ABCB9: variants seen among roughly 807,000 people sequenced by gnomAD.
ABCB9 encodes the protein ATP binding cassette subfamily B member 9.
Under a neutral mutation model 62.0 loss-of-function variants are expected in ABCB9, and 36 were observed. The observed-to-expected ratio is 0.58, with a 90% CI of 0.45 to 0.77. The LOEUF (loss-of-function observed/expected upper bound fraction) is 0.77, where lower values mean the gene tolerates loss of function less well. ABCB9 is among the 30% of genes least tolerant of loss of function. The pLI, the probability that ABCB9 is intolerant of heterozygous loss-of-function variation, is 0.00. For synonymous variants in ABCB9, 435 were observed against 461.4 expected (o/e 0.94, Z 0.73); for missense variants, 943 against 1,054.7 (o/e 0.89, Z 1.47).
intron 1 of ABCB9, among the ~76,000 whole-genome samples, chr12:122,963,768 C>A (rs1004810975): frequency 2.0e-5 from 3 of 152,198 alleles, no homozygotes; most frequent in Non-Finnish European, 4.4e-5. Flanking sequence ...CACCCCCACA[C>A]CTCCAGGCAC....
chr12:122,957,496 C>T (rs372806126), intron 2 of ABCB9, among the ~76,000 whole-genome samples: 94 of 152,170 alleles, frequency 6.2e-4, no homozygotes, highest in Middle Eastern at 3.4e-3. Context: ...GCCCAGGCCT[C>T]GTTGCCCCCA....
chr12:122,961,433 T>C (rs1037621407), intron 1 of ABCB9, among the ~76,000 whole-genome samples: 2 of 152,092 alleles, frequency 1.3e-5, no homozygotes, highest in Admixed American at 6.6e-5. Flanking sequence ...CCTCAAGTGA[T>C]CCACATGCCT....
In ABCB9 at chr12:122,962,741, C is replaced by T. The variant is rs183620951; in HGVS notation, c.-87-2419G>A. 1.7e-3 allele frequency among the ~76,000 whole-genome samples: 260 copies of T among 152,312 alleles called. 1 individual carries two copies. The highest frequency in any genetic ancestry group is 6.0e-3 in the African/African-American group (250 of 41,564). On this transcript the variant is annotated intron_variant, in intron 1 of 11. Coordinates refer to ENST00000280560, the MANE Select transcript of ABCB9 (RefSeq NM_019625.4). The stretch of plus-strand genomic sequence containing the variant: ...ACAAGCAGACAGGGATGTAACACTG[C>T]ACTTCCTGTGAGCCCTGCCCTGCAC...
At position 122,960,292 on chromosome 12, in the gene ABCB9, G is replaced by A; in HGVS notation, c.-57C>T. ...GCCAGGTTGTAGCTCACGGGGGCAAGGCCATCATCATCCACAGGGCGAGGC... is the reference window on the plus strand; with the variant it reads ...GCCAGGTTGTAGCTCACGGGGGCAAAGCCATCATCATCCACAGGGCGAGGC... On this transcript the variant is annotated 5_prime_UTR_variant, in exon 2 of 12. Transcript: ENST00000280560. 6.4e-7 allele frequency: 1 copy of A among 1,568,580 alleles called. No individual in the cohort carries two copies. Among genetic ancestry groups the A allele is most frequent in the South Asian group, 1.2e-5 (1 of 83,570 alleles).
At chr12:122,924,635 A>G, downstream of ABCB9, 4 of 1,458,974 alleles carry the variant, frequency 2.7e-6, no homozygotes, top group Non-Finnish European at 3.6e-6. Context: ...AATGTGGGAA[A>G]GAAACAATGA....
chr12:122,947,620 GGCTCGGGGGCACCC>G lies in ABCB9; in HGVS notation c.1053+990_1053+1003del. 3.4e-6 allele frequency: 1 copy of G among 291,824 alleles called. No homozygotes were observed. The highest frequency in any genetic ancestry group is 7.3e-6 in the Non-Finnish European group (1 of 136,194). The allele number at this position is 291,824 out of a possible 1,614,324, so 18.1% of individuals were successfully genotyped here. A position where few individuals can be genotyped will look rare whatever the true frequency, so the allele number is the denominator to read the frequency against. ...TGAACCCAGCCTGTCTGTCCCTTAG[GGCTCGGGGGCACCC>G]GCCCATTCAGGAAGCAGGAGGAGGG... is the stretch of plus-strand genomic sequence containing the variant. On this transcript the variant is annotated intron_variant, in intron 5 of 11. Transcript: ENST00000280560. This position sits in a 1 kb window ranked among gnomAD's most constrained non-coding sequence, Gnocchi z 6.0.
chr12:122,932,210 A>C lies in ABCB9; in HGVS notation c.2022T>G (p.Asp674Glu). Residue 674 changes from aspartate to glutamate, a missense_variant, in exon 11 of 12, where the codon GAT becomes GAG. Coordinates refer to ENST00000280560, the MANE Select transcript of ABCB9 (RefSeq NM_019625.4). This position sits in a 1 kb window ranked among gnomAD's most constrained non-coding sequence, Gnocchi z 4.7. ...GACTCACCAGATACTCGCTCTCGGC[A>C]TCCAAAGCGCTGGTGGCTTCATCCA... ...LILDEATSAL[D>E]AESEYLIQQA... 6.4e-7 allele frequency: 1 copy of C among 1,552,848 alleles called. No homozygotes were observed.
intron 10 of ABCB9, 68 bp downstream of exon 10, chr12:122,935,204 A>G: frequency 6.7e-7 from 1 of 1,483,510 alleles, no homozygotes; most frequent in Non-Finnish European, 9.0e-7. Flanking sequence ...GCAGTGCTTA[A>G]CTCAGAGGGT....
intron 11 of ABCB9, among the ~76,000 whole-genome samples, chr12:122,923,508 C>T (rs1245049652): frequency 6.6e-6 from 1 of 152,058 alleles, no homozygotes; most frequent in Admixed American, 6.6e-5. Context: ...CCAGGATGGT[C>T]TCCATCTCCT....
Position 122,935,370 on chromosome 12 carries a change from T to C in ABCB9, c.1805A>G (p.Tyr602Cys). The C allele has an allele frequency of 8.7e-6, 14 of 1,614,026 alleles. No homozygotes were observed. Among genetic ancestry groups the C allele is most frequent in the Non-Finnish European group, 1.2e-5 (14 of 1,179,992 alleles). ...CTCGAAAGGCACAGTGGGCAGGCCG[T>C]AGGAGATGTTATCCGTGATGGAGCG... ...FARSITDNIS[Y>C]GLPTVPFEMV... The change falls in exon 10 of 12, where the codon TAC becomes TGC. Residue 602 changes from tyrosine (Y) to cysteine (C), a missense_variant. Transcript: ENST00000280560.
chr12:122,960,137 G>T lies in ABCB9; in HGVS notation c.99C>A (p.Ser33Arg), dbSNP rs2036817447. The change falls in exon 2 of 12, where the codon AGC becomes AGA. Residue 33 changes from serine to arginine, a missense_variant. Physicochemically the swap from Ser to Arg is moderately radical, Grantham distance 110. Transcript: ENST00000280560. ...AIYVFSHLDR[S>R]LLEDIRHFNI... is the part of the protein sequence containing the mutation. ...TGAAGTGGCGGATGTCCTCCAGGAG[G>T]CTGCGGTCCAGGTGGCTGAAGACAT... 1 of 1,613,746 alleles carries T rather than the reference G, an allele frequency of 6.2e-7. No individual in the cohort carries two copies. The highest frequency in any genetic ancestry group is 8.5e-7 in the Non-Finnish European group (1 of 1,180,044).
At chr12:122,969,998 C>G (rs898174555), upstream of ABCB9, among the ~76,000 whole-genome samples, 1 of 152,280 alleles carries the variant, frequency 6.6e-6, no homozygotes, top group Non-Finnish European at 1.5e-5. Flanking sequence ...CATGATCAGG[C>G]AATCACACTC....
chr12:122,967,953 G>T (rs147121958), upstream of ABCB9, among the ~76,000 whole-genome samples: 481 of 152,142 alleles, frequency 3.2e-3, 3 homozygotes, highest in African/African-American at 0.011. Flanking sequence ...GGGAGCTAAG[G>T]TACTAGCTTA....
rs1434517469 is a variant in ABCB9, at chr12:122,940,373, C to T, written c.1570-89G>A. ...ACCTTGGACACAGGTGGGTGCCCTTCCCAGCCCACCCCATGTGCCTCTCCC... is the reference window on the plus strand; with the variant it reads ...ACCTTGGACACAGGTGGGTGCCCTTTCCAGCCCACCCCATGTGCCTCTCCC... On this transcript the variant is annotated intron_variant, in intron 8 of 11. Transcript: ENST00000280560. The surrounding 1 kb of genome is among the most constrained non-coding windows in gnomAD (Gnocchi z 4.8). 2.1e-6 allele frequency: 3 copies of T among 1,431,144 alleles called. No homozygotes were observed. Among genetic ancestry groups the T allele is most frequent in the Non-Finnish European group, 2.8e-6 (3 of 1,067,650 alleles). The allele number at this position is 1,431,144 out of a possible 1,614,324, so 88.7% of individuals were successfully genotyped here. A position where few individuals can be genotyped will look rare whatever the true frequency, so the allele number is the denominator to read the frequency against.
intron 1 of ABCB9, among the ~76,000 whole-genome samples, chr12:122,972,225 G>C (rs1188735801): frequency 6.6e-6 from 1 of 151,600 alleles, no homozygotes; most frequent in Non-Finnish European, 1.5e-5. Flanking sequence ...TTTGTAGCCA[G>C]GATGGTCTGG....
At position 122,960,372 on chromosome 12, in the gene ABCB9, CGCTG is replaced by C. The variant is rs985841887; in HGVS notation, c.-87-54_-87-51del. ...GCACAAGGGGTTCAGGTTTGCCACT[CGCTG>C]GCTGTGTGACCTTGAGAAAGTCACT... On this transcript the variant is annotated intron_variant, in intron 1 of 11. Coordinates refer to ENST00000280560, the MANE Select transcript of ABCB9 (RefSeq NM_019625.4). The C allele has an allele frequency of 4.8e-6, 6 of 1,242,158 alleles. No homozygotes were observed. The African/African-American group carries it at 9.1e-5, about 19-fold the overall frequency. 76.9% of individuals were successfully genotyped at this position (1,242,158 alleles called of 1,614,324 possible). A position where few individuals can be genotyped will look rare whatever the true frequency, so the allele number is the denominator to read the frequency against.
intron 4 of ABCB9, chr12:122,949,346 T>TCTC: frequency 5.5e-6 from 1 of 181,996 alleles, no homozygotes; most frequent in South Asian, 1.3e-4. Context: ...AGTTCGTGAG[T>TCTC]GGAGGAACCA....
rs1359783759 is a variant in ABCB9, at chr12:122,944,647, G to A, written c.1252-128C>T. The stretch of plus-strand genomic sequence containing the variant: ...CCAGCCACAAACTGAAATGCCGGCC[G>A]TTGGCAGGGGTGTCTTCCAAGGCTT... On this transcript the variant is annotated intron_variant, in intron 6 of 11. Coordinates refer to ENST00000280560, the MANE Select transcript of ABCB9 (RefSeq NM_019625.4). This position sits in a 1 kb window ranked among gnomAD's most constrained non-coding sequence, Gnocchi z 4.9. The A allele has an allele frequency of 2.7e-5, 36 of 1,326,588 alleles. No homozygotes were observed. The highest frequency in any genetic ancestry group is 8.3e-5 in the South Asian group (6 of 71,954). The allele number at this position is 1,326,588 out of a possible 1,614,324, so 82.2% of individuals were successfully genotyped here.
At chr12:122,924,186 C>T (rs1382257986), downstream of ABCB9, among the ~76,000 whole-genome samples, 1 of 152,210 alleles carries the variant, frequency 6.6e-6, no homozygotes, top group African/African-American at 2.4e-5. Flanking sequence ...ACGAAGGCAG[C>T]AGCAGGGAGT....
Sources: allele counts gnomAD v4.1 joint callset (sites outside exome capture counted in the v4.1 genomes callset), GRCh38; gene constraint gnomAD v4.1.1; non-coding constraint Gnocchi (gnomAD v3.1); transcripts MANE v1.5; gene names NCBI Gene and HGNC (gene_info 2026-07-23, HGNC 2026-07-21).